Variants in SHANK2 observed in about 807,000 individuals in gnomAD.
The protein encoded by SHANK2 is SH3 and multiple ankyrin repeat domains 2.
SHANK2 carries 43 observed loss-of-function variants against 133.7 expected under a neutral mutation model. That is an observed-to-expected ratio of 0.32 (90% CI 0.25 to 0.41). The LOEUF (loss-of-function observed/expected upper bound fraction) is 0.41. SHANK2 is among the 10% of genes least tolerant of loss of function. The probability of loss-of-function intolerance (pLI) is 1.00; values close to 1 mark genes in which losing one functional copy is unlikely to be tolerated. For missense variants in SHANK2, 1,994 were observed against 2,235.8 expected, an observed-to-expected ratio of 0.89 and a Z score of 2.18; for synonymous variants, 1,017 against 952.8, an observed-to-expected ratio of 1.07 and a Z score of -1.24.
intron 17 of SHANK2, among the ~76,000 whole-genome samples, chr11:70,534,514 G>C (rs12420437): frequency 0.062 from 9,430 of 152,268 alleles, 460 homozygotes; most frequent in African/African-American, 0.12. Flanking sequence ...CTGGGAGGCA[G>C]GTGCTGTCCC....
chr11:70,886,148 C>T (rs1000614927), intron 11 of SHANK2, among the ~76,000 whole-genome samples: 2 of 152,230 alleles, frequency 1.3e-5, no homozygotes, highest in Admixed American at 1.3e-4. Flanking sequence ...CTCGGTCCCG[C>T]GAAGAGGGAC....
intron 14 of SHANK2, among the ~76,000 whole-genome samples, chr11:70,790,541 T>C (rs1216559727): frequency 3.3e-5 from 5 of 152,240 alleles, no homozygotes; most frequent in African/African-American, 1.2e-4. Flanking sequence ...TTGAGGTTTC[T>C]TTGAGGAAGA....
chr11:71,139,478 T>C (rs1555105404), intron 3 of SHANK2, among the ~76,000 whole-genome samples: 1 of 151,956 alleles, frequency 6.6e-6, no homozygotes, highest in East Asian at 1.9e-4. Flanking sequence ...ATTGTGCACA[T>C]GGACCCTAAA....
At chr11:70,917,550 T>C (rs1333587426) in intron 10 of SHANK2, among the ~76,000 whole-genome samples, 4 of 152,200 alleles carry the variant, frequency 2.6e-5, no homozygotes, top group Admixed American at 1.3e-4. Flanking sequence ...TAAAGATACA[T>C]GCACACGTGT....
chr11:71,058,929 G>T (rs966788077), intron 9 of SHANK2, among the ~76,000 whole-genome samples: 14 of 152,246 alleles, frequency 9.2e-5, no homozygotes, highest in Non-Finnish European at 1.6e-4. Flanking sequence ...AAAGAGAGCT[G>T]ATTGGTTGGG....
chr11:70,847,455 C>T (rs1555063805), intron 11 of SHANK2, among the ~76,000 whole-genome samples: 1 of 152,188 alleles, frequency 6.6e-6, no homozygotes, highest in Non-Finnish European at 1.5e-5. Context: ...CCAGGATCTG[C>T]TGTCAGCGTT....
At chr11:70,784,785 G>T (rs1019293848) in intron 14 of SHANK2, among the ~76,000 whole-genome samples, 23 of 152,086 alleles carry the variant, frequency 1.5e-4, no homozygotes, top group Non-Finnish European at 3.4e-4. Context: ...CCCCATCTCG[G>T]TAAATGTCAG....
At chr11:70,571,494 A>G (rs187895253) in intron 17 of SHANK2, among the ~76,000 whole-genome samples, 147 of 152,302 alleles carry the variant, frequency 9.7e-4, no homozygotes, top group African/African-American at 3.4e-3. Context: ...TTCATTTTCC[A>G]GTATAAAAGT....
intron 14 of SHANK2, among the ~76,000 whole-genome samples, chr11:70,709,626 T>C (rs1242522416): frequency 2.6e-5 from 4 of 152,206 alleles, no homozygotes; most frequent in African/African-American, 9.7e-5. Flanking sequence ...AGGATGCCCA[T>C]TTCACAGACA....
chr11:70,496,423 A>G (rs1368352825), intron 21 of SHANK2, among the ~76,000 whole-genome samples: 1 of 152,124 alleles, frequency 6.6e-6, no homozygotes, highest in Non-Finnish European at 1.5e-5. Context: ...CACATTCCCA[A>G]AATGAACAGG....
chr11:70,925,649 C>T (rs552013338), intron 10 of SHANK2, among the ~76,000 whole-genome samples: 18 of 152,282 alleles, frequency 1.2e-4, no homozygotes, highest in Middle Eastern at 6.8e-3. Flanking sequence ...GAAGAAAAGC[C>T]GGATTTGCAC....
intron 1 of SHANK2, among the ~76,000 whole-genome samples, chr11:71,232,986 T>A (rs1318656723): frequency 6.6e-6 from 1 of 152,018 alleles, no homozygotes; most frequent in Non-Finnish European, 1.5e-5. Flanking sequence ...CTCCTAGGCA[T>A]ACAACTAAAA....
chr11:70,852,297 C>T (rs566929328), intron 11 of SHANK2, among the ~76,000 whole-genome samples: 3 of 152,174 alleles, frequency 2.0e-5, no homozygotes, highest in Admixed American at 6.5e-5. Flanking sequence ...ATTGGGAGAG[C>T]GAGGAACGTA....
chr11:70,729,301 C>T (rs554214061), intron 14 of SHANK2, among the ~76,000 whole-genome samples: 2 of 150,612 alleles, frequency 1.3e-5, no homozygotes, highest in Non-Finnish European at 2.9e-5. Flanking sequence ...AGCCAGACAC[C>T]AAGGGCTCTA....
chr11:70,730,822 ATTTC>A (rs1332128400), intron 14 of SHANK2, among the ~76,000 whole-genome samples: 1 of 109,402 alleles, frequency 9.1e-6, no homozygotes. Context: ...TCTCTTTTTT[ATTTC>A]TTTTTTTTTT....
rs372073104 is a variant in SHANK2, at chr11:71,173,005, G to A, written c.-12-25667C>T. ...CCATTGGGCTGCTGGAGGCTGAGAA[G>A]TGGGCATCCCAGCCAGCACTCAACC... On this transcript the variant is annotated intron_variant, in intron 2 of 25. Transcript: ENST00000601538. Among the ~76,000 whole-genome samples the A allele has an allele frequency of 5.9e-5, 9 of 152,382 alleles. 1 individual carries two copies. In the East Asian group the frequency reaches 1.3e-3, roughly 23 times the overall value.
rs532692237 is a variant in SHANK2, at chr11:70,953,999, T to C, written c.1108-57432A>G. 4.6e-5 allele frequency among the ~76,000 whole-genome samples: 7 copies of C among 152,296 alleles called. No individual in the cohort carries two copies. In the South Asian group the frequency reaches 1.5e-3, roughly 32 times the overall value. ...TGTGTGTGTGTCTAATAGACAGTCT[T>C]ACATGAACTTTACAATTTGCCCACA... On this transcript the variant is annotated intron_variant, in intron 10 of 25. Transcript: ENST00000601538.
At chr11:71,088,243 C>T (rs1404140557) in intron 8 of SHANK2, among the ~76,000 whole-genome samples, 1 of 152,178 alleles carries the variant, frequency 6.6e-6, no homozygotes, top group African/African-American at 2.4e-5. Context: ...AGATTTTGGA[C>T]TTGCAGCTCC....
At chr11:70,629,978 C>A (rs1234178517) in intron 17 of SHANK2, among the ~76,000 whole-genome samples, 1 of 152,146 alleles carries the variant, frequency 6.6e-6, no homozygotes, top group Non-Finnish European at 1.5e-5. Context: ...ACCAGGAGAC[C>A]CCAGGGTGCT....
Sources: allele counts gnomAD v4.1 joint callset (sites outside exome capture counted in the v4.1 genomes callset), GRCh38; gene constraint gnomAD v4.1.1; transcripts MANE v1.5; gene names NCBI Gene and HGNC (gene_info 2026-07-23, HGNC 2026-07-21).